ADCY7: variants seen among roughly 807,000 people sequenced by gnomAD.
ADCY7 encodes the protein adenylate cyclase 7.
ADCY7 carries 72 observed loss-of-function variants against 120.6 expected under a neutral mutation model. The ratio of observed to expected loss-of-function variants is 0.60; its 90% CI spans 0.49 to 0.73. The LOEUF is 0.73. ADCY7 is among the 30% of genes least tolerant of loss of function. The pLI, the probability that ADCY7 is intolerant of heterozygous loss-of-function variation, is 0.00. For synonymous variants in ADCY7, 661 were observed against 628.0 expected (o/e 1.05, Z -0.78); for missense variants, 1,227 against 1,486.0 (o/e 0.83, Z 2.87).
chr16:50,256,998 C>G (rs1037460791), intron 1 of ADCY7, among the ~76,000 whole-genome samples: 1 of 152,076 alleles, frequency 6.6e-6, no homozygotes, highest in African/African-American at 2.4e-5. Context: ...GAAGGAACAA[C>G]ATGGGTGAAC....
intron 1 of ADCY7, among the ~76,000 whole-genome samples, chr16:50,276,323 G>T (rs1445572359): frequency 6.6e-6 from 1 of 152,222 alleles, no homozygotes; most frequent in Non-Finnish European, 1.5e-5. Context: ...CTCACCCCCA[G>T]TGCTGCTGGC....
chr16:50,250,088 C>T (rs1045434914), intron 1 of ADCY7, among the ~76,000 whole-genome samples: 7 of 152,110 alleles, frequency 4.6e-5, no homozygotes, highest in Admixed American at 2.0e-4. Flanking sequence ...TTATACAATG[C>T]GGACAGTAAG....
In ADCY7 at chr16:50,314,311, C is replaced by T; in HGVS notation, c.2876C>T (p.Ala959Val). 6.2e-7 allele frequency: 1 copy of T among 1,614,056 alleles called. No individual in the cohort carries two copies. The change falls in exon 24 of 26, where the codon GCC becomes GTC. Residue 959 changes from alanine to valine, a missense_variant. Transcript: ENST00000673801. Reference sequence around the variant, plus strand: ...CCGCAGGAGCTGGAGCGGCAGCATGCCCACATTGGTGTCATGGTGGAGTTC... The same window carrying T: ...CCGCAGGAGCTGGAGCGGCAGCATGTCCACATTGGTGTCATGGTGGAGTTC... ...HENQELERQH[A>V]HIGVMVEFSI...
rs1489125301 is a variant in ADCY7, at chr16:50,288,246, G to A, written c.67G>A (p.Glu23Lys). 131 of 1,551,302 alleles carry A rather than the reference G, an allele frequency of 8.4e-5. No homozygotes were observed. The highest frequency in any genetic ancestry group is 1.1e-4 in the Non-Finnish European group (123 of 1,147,064). The change falls in exon 2 of 26, where the codon GAG (glutamate) becomes AAG (lysine). Residue 23 changes from glutamate to lysine, a missense_variant. By Grantham distance (56) the Glu-to-Lys change is moderately conservative. Coordinates refer to ENST00000673801, the MANE Select transcript of ADCY7 (RefSeq NM_001114.5). The stretch of plus-strand genomic sequence containing the variant: ...GGGCCCTGACCAAGATGCGCTCTAC[G>A]AGAAGTACCAGCTCACCAGCCAGCA... The part of the protein sequence containing the change: ...EEGPDQDALY[E>K]KYQLTSQHGP...
intron 1 of ADCY7, among the ~76,000 whole-genome samples, chr16:50,259,675 A>C (rs1359444990): frequency 6.6e-6 from 1 of 152,124 alleles, no homozygotes; most frequent in Non-Finnish European, 1.5e-5. Flanking sequence ...GAACTCAGCC[A>C]AGCAGCAGCG....
At chr16:50,259,811 T>G (rs766716309) in intron 1 of ADCY7, among the ~76,000 whole-genome samples, 84 of 152,136 alleles carry the variant, frequency 5.5e-4, no homozygotes, top group Non-Finnish European at 7.5e-4. Flanking sequence ...CCACCACTGA[T>G]TAGGGGTCAG....
chr16:50,308,268 G>A, intron 15 of ADCY7, 59 bp from the exon 16 acceptor site: 1 of 1,613,852 alleles, frequency 6.2e-7, no homozygotes, highest in Non-Finnish European at 8.5e-7. Flanking sequence ...GGATTGGTGG[G>A]GGCGGTGGTC....
intron 7 of ADCY7, 34 bp from the exon 8 acceptor site, chr16:50,298,870 C>T (rs1251146129): frequency 6.3e-7 from 1 of 1,599,768 alleles, no homozygotes. Flanking sequence ...AGCCCCACAT[C>T]TTCCAGTGAC....
intron 5 of ADCY7, 79 bp from the exon 6 acceptor site, chr16:50,293,275 G>A: frequency 1.3e-6 from 2 of 1,532,150 alleles, no homozygotes; most frequent in South Asian, 1.2e-5. Context: ...GGGACCTGAT[G>A]CTACCCTGCC....
At chr16:50,264,939 T>A (rs4785397), upstream of ADCY7, among the ~76,000 whole-genome samples, 1 of 149,826 alleles carries the variant, frequency 6.7e-6, no homozygotes, top group Non-Finnish European at 1.5e-5. Flanking sequence ...CAGGTTCAAG[T>A]GATTCTCCTG....
At position 50,315,850 on chromosome 16, in the gene ADCY7, ACCTCAGTGGCCTGTGGG is replaced by A; in HGVS notation, c.*347_*363del. The A allele has an allele frequency of 4.3e-6, 1 of 232,674 alleles. No individual in the cohort carries two copies. The highest frequency in any genetic ancestry group is 8.8e-6 in the Non-Finnish European group (1 of 113,652). 14.4% of individuals were successfully genotyped at this position (232,674 alleles called of 1,614,324 possible). On this transcript the variant is annotated 3_prime_UTR_variant, in exon 26 of 26. Coordinates refer to ENST00000673801, the MANE Select transcript of ADCY7 (RefSeq NM_001114.5). Reference sequence around the variant, plus strand: ...TAGCACATGATGAAAACAGACTTCCACCTCAGTGGCCTGTGGGCACGCACAAGTGAGGTCTGTTTTTC... The same window carrying A: ...TAGCACATGATGAAAACAGACTTCCACACGCACAAGTGAGGTCTGTTTTTC...
chr16:50,288,265 G>C lies in ADCY7; in HGVS notation c.86G>C (p.Ser29Thr), dbSNP rs1184849416. The C allele has an allele frequency of 6.4e-7, 1 of 1,551,208 alleles. No individual in the cohort carries two copies. Among genetic ancestry groups the C allele is most frequent in the Non-Finnish European group, 8.7e-7 (1 of 1,146,954 alleles). ...DALYEKYQLT[S>T]QHGPLLLTLL... ...CTCTACGAGAAGTACCAGCTCACCAGCCAGCATGGGCCGCTGCTGCTCACG... is the reference window on the plus strand; with the variant it reads ...CTCTACGAGAAGTACCAGCTCACCACCCAGCATGGGCCGCTGCTGCTCACG... Residue 29 changes from serine (S) to threonine (T), a missense_variant, in exon 2 of 26, where the codon AGC becomes ACC. Ser to Thr is a moderately conservative substitution (Grantham distance 58). Coordinates refer to ENST00000673801, the MANE Select transcript of ADCY7 (RefSeq NM_001114.5).
chr16:50,312,811 A>C, intron 21 of ADCY7, 79 bp from the exon 22 acceptor site: 4 of 1,361,050 alleles, frequency 2.9e-6, no homozygotes, highest in Non-Finnish European at 3.0e-6. Flanking sequence ...CAGCAGTGCC[A>C]TCTGCTCCTG....
At chr16:50,304,251 G>A (rs754697701) in intron 10 of ADCY7, 109 bp from the exon 11 acceptor site, 6 of 1,092,938 alleles carry the variant, frequency 5.5e-6, no homozygotes, top group Non-Finnish European at 6.0e-6. Flanking sequence ...ATTTTTTCAC[G>A]GGCTCAGGGC....
At chr16:50,244,847 A>C (rs754556349), upstream of ADCY7, among the ~76,000 whole-genome samples, 45 of 152,318 alleles carry the variant, frequency 3.0e-4, no homozygotes, top group Admixed American at 5.2e-4. Flanking sequence ...CAGAGAGCCA[A>C]ATGCCACCAT....
At chr16:50,314,214 A>G (rs1381430455) in intron 23 of ADCY7, 78 bp from the exon 24 acceptor site, 3 of 1,479,502 alleles carry the variant, frequency 2.0e-6, no homozygotes, top group South Asian at 2.3e-5. Context: ...GGGATCCTCA[A>G]CAAGAGTGGC....
At position 50,290,468 on chromosome 16, in the gene ADCY7, A is replaced by G. The variant is rs1596899700; in HGVS notation, c.183A>G (p.Arg61=). The change falls in exon 3 of 26, where the codon AGA becomes AGG. Residue 61 remains arginine (R), a synonymous_variant. Transcript: ENST00000673801. ...TTTGCTCCACCCAGGACCCCTCCAG[A>G]CACCAGGCCATTCTGGGCATGGCGT... ...IIAFSQGDPS[R]HQAILGMAFL... 2 of 1,614,118 alleles carry G rather than the reference A, an allele frequency of 1.2e-6. No homozygotes were observed. The highest frequency in any genetic ancestry group is 4.5e-5 in the East Asian group (2 of 44,878).
rs759444897 is a variant in ADCY7 at position 50,297,760 on chromosome 16, G to GC, written c.949-1143dup. Among the ~76,000 whole-genome samples, 75 of 152,314 alleles carry GC rather than the reference G, an allele frequency of 4.9e-4. No homozygotes were observed. Among genetic ancestry groups the GC allele is most frequent in the Admixed American group, 1.8e-3 (28 of 15,308 alleles). On this transcript the variant is annotated intron_variant, in intron 7 of 25. Transcript: ENST00000673801. The surrounding 1 kb of genome is among the most constrained non-coding windows in gnomAD (Gnocchi z 4.4). ...CCTGGAGACAGATGGTGTTCCAGGA[G>GC]CAGGCCTAGCCCTCGTGAGCCTGCA... is the stretch of plus-strand genomic sequence containing the variant.
intron 1 of ADCY7, among the ~76,000 whole-genome samples, chr16:50,251,824 G>T (rs1240371583): frequency 6.6e-6 from 1 of 152,204 alleles, no homozygotes; most frequent in Non-Finnish European, 1.5e-5. Flanking sequence ...TGATCGCAGG[G>T]TGCTGGGCCA....
Sources: gnomAD v4.1 joint callset for allele counts (sites outside exome capture counted in the v4.1 genomes callset) on GRCh38, gnomAD v4.1.1 for gene constraint, Gnocchi (gnomAD v3.1) non-coding constraint, MANE v1.5 for transcripts, NCBI Gene and HGNC (gene_info 2026-07-23, HGNC 2026-07-21) for gene names.